Variants in EXTL3 observed in about 807,000 individuals in gnomAD.
The protein encoded by EXTL3 is exostosin-like 3.
A neutral mutation model predicts 69.3 loss-of-function variants in EXTL3; 27 were observed. That is an observed-to-expected ratio of 0.39 (90% CI 0.29 to 0.54). The LOEUF is 0.54. Among genes scored for constraint, EXTL3 ranks in the 20% least tolerant of loss-of-function variants. EXTL3 has a pLI of 0.69. For missense variants in EXTL3, 1,003 were observed against 1,231.8 expected (o/e 0.81, Z 2.78); for synonymous variants, 511 against 499.4 (o/e 1.02, Z -0.31).
chr8:28,679,650 G>A (rs2130657235), intron 1 of EXTL3, among the ~76,000 whole-genome samples: 1 of 151,728 alleles, frequency 6.6e-6, no homozygotes, highest in East Asian at 1.9e-4. Flanking sequence ...TTGAGCCCAG[G>A]AGTTCAAGGC....
At chr8:28,694,410 C>T (rs1266055937) in intron 1 of EXTL3, among the ~76,000 whole-genome samples, 1 of 152,232 alleles carries the variant, frequency 6.6e-6, no homozygotes, top group African/African-American at 2.4e-5. Context: ...CATTTGAACT[C>T]ATTTAACAAA....
rs985121104 is a variant in EXTL3, at chr8:28,743,300, A to G, written c.2550+86A>G. ...GTAGTGCAGCACGTAACTGCACTGT[A>G]CCTCAGAGTCCTCATTTGTACAATA... On this transcript the variant is annotated intron_variant, in intron 6 of 6. Coordinates refer to ENST00000220562, the MANE Select transcript of EXTL3 (RefSeq NM_001440.4). 4 of 1,430,770 alleles carry G rather than the reference A, an allele frequency of 2.8e-6. No individual in the cohort carries two copies. The East Asian group carries it at 9.1e-5, about 33-fold the overall frequency. The allele number at this position is 1,430,770 out of a possible 1,614,324, so 88.6% of individuals were successfully genotyped here.
At chr8:28,719,840 G>A (rs1801258723) in intron 3 of EXTL3, among the ~76,000 whole-genome samples, 1 of 152,138 alleles carries the variant, frequency 6.6e-6, no homozygotes, top group South Asian at 2.1e-4. Flanking sequence ...TAGAGAAGCT[G>A]GTGCCATACC....
chr8:28,646,007 C>G (rs538249793), intron 1 of EXTL3, among the ~76,000 whole-genome samples: 1 of 151,972 alleles, frequency 6.6e-6, no homozygotes, highest in African/African-American at 2.4e-5. Context: ...GGACCACAGG[C>G]GTGCGCCACC....
At chr8:28,700,952 C>A (rs1800772994), upstream of EXTL3, 1 of 152,326 alleles carries the variant, frequency 6.6e-6, no homozygotes, top group Non-Finnish European at 1.5e-5. Flanking sequence ...GTGATCATCC[C>A]ACACGACTAG....
chr8:28,720,716 C>T (rs1442301075), intron 3 of EXTL3, among the ~76,000 whole-genome samples: 1 of 152,084 alleles, frequency 6.6e-6, no homozygotes, highest in Non-Finnish European at 1.5e-5. Flanking sequence ...AGAAGTGCCA[C>T]CAGTTGAAGT....
chr8:28,756,379 C>G (rs936814110), downstream of EXTL3, among the ~76,000 whole-genome samples: 7 of 152,202 alleles, frequency 4.6e-5, no homozygotes, highest in Non-Finnish European at 8.8e-5. Flanking sequence ...TGTCCGTCTT[C>G]TACACACCCA....
chr8:28,629,075 G>A (rs920560830), intron 1 of EXTL3, among the ~76,000 whole-genome samples: 2 of 152,088 alleles, frequency 1.3e-5, no homozygotes, highest in African/African-American at 2.4e-5. Context: ...TGAGGCCCGA[G>A]CTATCCAGTG....
chr8:28,656,776 T>A (rs1218465968), intron 1 of EXTL3, among the ~76,000 whole-genome samples: 18 of 152,194 alleles, frequency 1.2e-4, no homozygotes, highest in Admixed American at 1.2e-3. Context: ...ATAGTTTAAA[T>A]ATTTGCTTAC....
intron 1 of EXTL3, among the ~76,000 whole-genome samples, chr8:28,669,866 TTGAATC>T (rs1195829748): frequency 6.6e-6 from 1 of 152,138 alleles, no homozygotes; most frequent in African/African-American, 2.4e-5. Flanking sequence ...CACTGAGTCA[TTGAATC>T]TGAATCACCT....
intron 1 of EXTL3, among the ~76,000 whole-genome samples, chr8:28,691,489 A>G (rs1800611624): frequency 6.6e-6 from 1 of 152,164 alleles, no homozygotes; most frequent in East Asian, 1.9e-4. Flanking sequence ...AATGGTTGAC[A>G]CATAGAGATA....
intron 1 of EXTL3, among the ~76,000 whole-genome samples, chr8:28,691,181 CCAT>C (rs1800608765): frequency 6.6e-6 from 1 of 152,136 alleles, no homozygotes; most frequent in Non-Finnish European, 1.5e-5. Flanking sequence ...TTGACCACCA[CCAT>C]GGTCATTTCA....
At chr8:28,628,135 G>A (rs1205227402) in intron 1 of EXTL3, among the ~76,000 whole-genome samples, 1 of 152,220 alleles carries the variant, frequency 6.6e-6, no homozygotes, top group Non-Finnish European at 1.5e-5. Flanking sequence ...GCCGAGACTA[G>A]TGGATCACCT....
upstream of EXTL3, chr8:28,698,536 A>T (rs1800720200): frequency 6.6e-6 from 1 of 152,238 alleles, no homozygotes; most frequent in African/African-American, 2.4e-5. Context: ...GCAATTAAGT[A>T]TCAGAAAGTA....
At chr8:28,698,280 G>A (rs1800716506), upstream of EXTL3, 2 of 152,246 alleles carry the variant, frequency 1.3e-5, no homozygotes, top group Admixed American at 1.3e-4. Context: ...GACATTTGAG[G>A]AGTGCAAAGT....
At chr8:28,695,742 C>T (rs927266503) in intron 1 of EXTL3, among the ~76,000 whole-genome samples, 11 of 151,780 alleles carry the variant, frequency 7.2e-5, no homozygotes, top group East Asian at 3.9e-4. Context: ...GGAGGTCATG[C>T]GGTAAATATA....
At chr8:28,648,689 G>C (rs1206716171) in intron 1 of EXTL3, among the ~76,000 whole-genome samples, 3 of 151,362 alleles carry the variant, frequency 2.0e-5, no homozygotes, top group Non-Finnish European at 4.4e-5. Context: ...TACAGGGCAT[G>C]CTGTCCTCCT....
upstream of EXTL3, chr8:28,698,376 G>A (rs1055555408): frequency 3.9e-5 from 6 of 152,240 alleles, no homozygotes; most frequent in African/African-American, 1.4e-4. Context: ...GAGTTAGGAA[G>A]ATTTGCAGTC....
At chr8:28,737,419 T>C in intron 4 of EXTL3, 100 bp from the exon 5 acceptor site, 1 of 1,322,990 alleles carries the variant, frequency 7.6e-7, no homozygotes, top group Non-Finnish European at 1.1e-6. Context: ...AGTAAAAGCC[T>C]AAGGGCCAGA....
Sources: allele counts gnomAD v4.1 joint callset (sites outside exome capture counted in the v4.1 genomes callset), GRCh38; gene constraint gnomAD v4.1.1; transcripts MANE v1.5; gene names NCBI Gene and HGNC (gene_info 2026-07-23, HGNC 2026-07-21).